Variants in SLC1A3 observed in about 807,000 individuals in gnomAD.
The protein encoded by SLC1A3 is solute carrier family 1 member 3.
In SLC1A3, 21 loss-of-function variants were observed where a neutral mutation model predicts 48.1. The ratio of observed to expected loss-of-function variants is 0.44; its 90% CI spans 0.31 to 0.63. The LOEUF (loss-of-function observed/expected upper bound fraction) is 0.63, where lower values mean the gene tolerates loss of function less well. SLC1A3 is among the 20% of genes least tolerant of loss of function. The pLI, the probability that SLC1A3 is intolerant of heterozygous loss-of-function variation, is 0.08. For synonymous variants in SLC1A3, 239 were observed against 251.4 expected (o/e 0.95, Z 0.47); for missense variants, 546 against 689.0 (o/e 0.79, Z 2.32).
Position 36,671,218 on chromosome 5 carries a change from T to C in SLC1A3, c.509T>C (p.Phe170Ser), listed in dbSNP as rs1157071308. The change falls in exon 4 of 10, where the codon TTC (phenylalanine) becomes TCC (serine). Residue 170 changes from phenylalanine to serine, a missense_variant. Around this residue, in one of 3 missense-constraint regions of SLC1A3, gnomAD observed 348 missense variants for 392.0 expected, o/e 0.89. Transcript: ENST00000265113. ...KIVRVTAADA[F>S]LDLIRNMFPP... is the part of the protein sequence containing the mutation. ...GTACGAGTGACAGCTGCAGATGCCT[T>C]CCTGGACTTGATCAGGTATGTCCTT... is the stretch of plus-strand genomic sequence containing the variant. 6.2e-7 allele frequency: 1 copy of C among 1,613,280 alleles called. No individual in the cohort carries two copies. The highest frequency in any genetic ancestry group is 1.1e-5 in the South Asian group (1 of 91,028).
chr5:36,598,292 GT>G (rs1738767187), intron 1 of SLC1A3, among the ~76,000 whole-genome samples: 1 of 152,228 alleles, frequency 6.6e-6, no homozygotes. Context: ...GTTGTGACAA[GT>G]AAATGAGGCA....
At position 36,679,640 on chromosome 5, in the gene SLC1A3, G is replaced by A; in HGVS notation, c.874G>A (p.Gly292Ser). Residue 292 changes from glycine (G) to serine (S), a missense_variant, in exon 7 of 10, where the codon GGT (glycine) becomes AGT (serine). Transcript: ENST00000265113. ...VAVIMWYAPV[G>S]ILFLIAGKIV... Reference sequence around the variant, plus strand: ...GCTTCTCCCCAGGTATGCCCCCGTGGGTATTCTCTTCCTGATTGCTGGGAA... The same window carrying A: ...GCTTCTCCCCAGGTATGCCCCCGTGAGTATTCTCTTCCTGATTGCTGGGAA... The A allele has an allele frequency of 6.2e-7, 1 of 1,613,666 alleles. No homozygotes were observed. Among genetic ancestry groups the A allele is most frequent in the Non-Finnish European group, 8.5e-7 (1 of 1,179,602 alleles).
In SLC1A3 at chr5:36,600,636, T is replaced by C. The variant is rs1024353059; in HGVS notation, c.-96+3958T>C. Among the ~76,000 whole-genome samples the C allele has an allele frequency of 3.3e-5, 5 of 152,276 alleles. No homozygotes were observed. The East Asian group carries it at 9.6e-4, about 29-fold the overall frequency. On this transcript the variant is annotated intron_variant, in intron 1 of 9. Coordinates refer to the SLC1A3 transcript ENST00000680318. ...AGGAGGCTTGCATTTGCTTCTTCTA[T>C]GACTCAAAAATGAACTGCCTCATAA...
intron 8 of SLC1A3, among the ~76,000 whole-genome samples, chr5:36,680,977 T>G (rs528367885): frequency 6.6e-6 from 1 of 152,096 alleles, no homozygotes; most frequent in African/African-American, 2.4e-5. Flanking sequence ...GGGAAGGGGA[T>G]CCCACATAAT....
At chr5:36,680,232 C>A (rs1449748258) in intron 7 of SLC1A3, 163 bp from the exon 8 acceptor site, 2 of 697,906 alleles carry the variant, frequency 2.9e-6, no homozygotes, top group Non-Finnish European at 5.1e-6. Flanking sequence ...GTGAGGGGAC[C>A]ACACTGTTCT....
At chr5:36,656,557 A>G (rs1368764194) in intron 3 of SLC1A3, among the ~76,000 whole-genome samples, 1 of 152,230 alleles carries the variant, frequency 6.6e-6, no homozygotes, top group Non-Finnish European at 1.5e-5. Context: ...ATGACTGTCT[A>G]ATTGGTCAGT....
chr5:36,676,874 G>A lies in SLC1A3; in HGVS notation c.568-18G>A, dbSNP rs1742229073. The A allele has an allele frequency of 6.2e-7, 1 of 1,600,444 alleles. No individual in the cohort carries two copies. The highest frequency in any genetic ancestry group is 8.5e-7 in the Non-Finnish European group (1 of 1,170,888). ...ATAAAAATCACCTTTAATCCTCGTT[G>A]TGCTTTTTATTTTTAAGTTTAAAAC... is the stretch of plus-strand genomic sequence containing the variant. On this transcript the variant is annotated intron_variant, in intron 5 of 9. Coordinates refer to ENST00000265113, the MANE Select transcript of SLC1A3 (RefSeq NM_004172.5).
intron 3 of SLC1A3, chr5:36,670,828 C>T: frequency 1.6e-6 from 1 of 616,272 alleles, no homozygotes; most frequent in East Asian, 2.8e-5. Flanking sequence ...TTCACTGACA[C>T]TGCTGATGCC....
At chr5:36,650,331 A>C (rs908166075) in intron 3 of SLC1A3, among the ~76,000 whole-genome samples, 4 of 152,250 alleles carry the variant, frequency 2.6e-5, no homozygotes, top group African/African-American at 9.6e-5. Context: ...AATACCCATT[A>C]TCACTTGTTA....
chr5:36,660,446 A>T (rs887291661), intron 3 of SLC1A3, among the ~76,000 whole-genome samples: 16 of 152,260 alleles, frequency 1.1e-4, no homozygotes, highest in African/African-American at 3.9e-4. Context: ...GAATGTGCAG[A>T]AACAACTCCC....
chr5:36,623,180 A>C (rs1440745846), intron 2 of SLC1A3, among the ~76,000 whole-genome samples: 1 of 152,214 alleles, frequency 6.6e-6, no homozygotes, highest in Non-Finnish European at 1.5e-5. Flanking sequence ...CACTTTAAAC[A>C]TTCTAGTCAA....
At chr5:36,628,658 T>A (rs1740007518) in intron 2 of SLC1A3, among the ~76,000 whole-genome samples, 1 of 152,238 alleles carries the variant, frequency 6.6e-6, no homozygotes, top group South Asian at 2.1e-4. Flanking sequence ...TTTATTAATT[T>A]CTGAACATTT....
At position 36,671,074 on chromosome 5, in the gene SLC1A3, G is replaced by A. The variant is rs767978523; in HGVS notation, c.365G>A (p.Arg122Gln). ...DSKASGKMGM[R>Q]AVVYYMTTTI... is the part of the protein sequence containing the mutation. ...AAGGCATCAGGGAAGATGGGAATGC[G>A]AGCTGTAGTCTATTATATGACTACC... The change falls in exon 4 of 10, where the codon CGA (arginine) becomes CAA (glutamine). Residue 122 changes from arginine to glutamine, a missense_variant. Around this residue, in one of 3 missense-constraint regions of SLC1A3, gnomAD observed 348 missense variants for 392.0 expected, o/e 0.89. Coordinates refer to ENST00000265113, the MANE Select transcript of SLC1A3 (RefSeq NM_004172.5). 30 of 1,613,906 alleles carry A rather than the reference G, an allele frequency of 1.9e-5. No individual in the cohort carries two copies. Among genetic ancestry groups the A allele is most frequent in the South Asian group, 8.8e-5 (8 of 91,082 alleles).
At chr5:36,654,851 C>A (rs1741226035) in intron 3 of SLC1A3, among the ~76,000 whole-genome samples, 1 of 152,210 alleles carries the variant, frequency 6.6e-6, no homozygotes, top group Admixed American at 6.5e-5. Context: ...CCTTCCTCTG[C>A]AGAGTGAGGA....
intron 8 of SLC1A3, among the ~76,000 whole-genome samples, chr5:36,680,842 G>A (rs1032437824): frequency 5.3e-5 from 8 of 151,818 alleles, no homozygotes; most frequent in Admixed American, 1.3e-4. Flanking sequence ...GCTTGAACCC[G>A]GAGGCAGAGA....
intron 1 of SLC1A3, among the ~76,000 whole-genome samples, chr5:36,600,866 A>G (rs1001556731): frequency 1.1e-4 from 17 of 152,328 alleles, no homozygotes; most frequent in African/African-American, 4.1e-4. Context: ...CCAGATTACT[A>G]TGATTGCATC....
chr5:36,657,067 A>C (rs989259903), intron 3 of SLC1A3, among the ~76,000 whole-genome samples: 2 of 152,176 alleles, frequency 1.3e-5, no homozygotes, highest in African/African-American at 4.8e-5. Flanking sequence ...GTTTGTATTG[A>C]TCCTTGATGC....
intron 3 of SLC1A3, among the ~76,000 whole-genome samples, chr5:36,658,528 G>C (rs1741374909): frequency 6.6e-6 from 1 of 152,156 alleles, no homozygotes; most frequent in Non-Finnish European, 1.5e-5. Flanking sequence ...TCTCAGACTT[G>C]CTTTGGGTTC....
At position 36,687,226 on chromosome 5, in the gene SLC1A3, A is replaced by C. The variant is rs1036264496; in HGVS notation, c.*957A>C. ...TACTCTGGGAAGAATGTCTCCTGCC[A>C]CTCCTCAACTGATGATAGACTTCGA... On this transcript the variant is annotated 3_prime_UTR_variant, in exon 10 of 10. Transcript: ENST00000265113. The C allele has an allele frequency of 6.6e-6, 1 of 151,212 alleles. No homozygotes were observed. Among genetic ancestry groups the C allele is most frequent in the Non-Finnish European group, 1.5e-5 (1 of 68,046 alleles). 9.4% of individuals were successfully genotyped at this position (151,212 alleles called of 1,614,324 possible).
Sources: allele counts gnomAD v4.1 joint callset (sites outside exome capture counted in the v4.1 genomes callset), GRCh38; gene constraint gnomAD v4.1.1; regional missense constraint gnomAD v4.1.1; transcripts MANE v1.5; gene names NCBI Gene and HGNC (gene_info 2026-07-23, HGNC 2026-07-21).